SRFBP1: variants seen among roughly 807,000 people sequenced by gnomAD.
SRFBP1 encodes the protein serum response factor-binding protein 1.
In SRFBP1, 47 loss-of-function variants were observed where a neutral mutation model predicts 45.5. The observed-to-expected ratio is 1.03, with a 90% CI of 0.82 to 1.32. The LOEUF (loss-of-function observed/expected upper bound fraction) is 1.32. SRFBP1 is among the 40% of genes most tolerant of loss of function. The pLI, the probability that SRFBP1 is intolerant of heterozygous loss-of-function variation, is 0.00. For synonymous variants in SRFBP1, 203 were observed against 166.3 expected (o/e 1.22, Z -1.70); for missense variants, 621 against 484.6 (o/e 1.28, Z -2.64).
At chr5:122,057,924 C>G (rs1044108299) in intron 2 of SRFBP1, among the ~76,000 whole-genome samples, 9 of 152,080 alleles carry the variant, frequency 5.9e-5, no homozygotes, top group Non-Finnish European at 8.8e-5. Context: ...AGCAATTCTC[C>G]CTCCTCAGCC....
chr5:122,033,269 T>C (rs1226422406), downstream of SRFBP1, among the ~76,000 whole-genome samples: 3 of 152,074 alleles, frequency 2.0e-5, no homozygotes, highest in Non-Finnish European at 4.4e-5. Flanking sequence ...TTTCCGTTTG[T>C]CAATTGTCTT....
At chr5:122,016,777 A>G (rs186578588) in intron 4 of SRFBP1, among the ~76,000 whole-genome samples, 34 of 152,306 alleles carry the variant, frequency 2.2e-4, no homozygotes, top group African/African-American at 7.9e-4. Flanking sequence ...AGCAGGTTGA[A>G]GAAACAGGTT....
At chr5:122,003,993 G>A (rs949566158) in intron 4 of SRFBP1, among the ~76,000 whole-genome samples, 1 of 152,176 alleles carries the variant, frequency 6.6e-6, no homozygotes, top group South Asian at 2.1e-4. Context: ...GGAGTGCAGT[G>A]GCAGGATCTC....
chr5:121,975,533 C>A, intron 3 of SRFBP1, 146 bp downstream of exon 3: 1 of 850,726 alleles, frequency 1.2e-6, no homozygotes, highest in Non-Finnish European at 1.8e-6. Flanking sequence ...AAGAATGTAG[C>A]ACATTTAGAA....
chr5:122,066,734 C>T, intron 2 of SRFBP1: 1 of 1,600,708 alleles, frequency 6.2e-7, no homozygotes, highest in East Asian at 2.2e-5. Context: ...GGGAGTTTTG[C>T]TTTGCCTTCT....
intron 2 of SRFBP1, chr5:122,069,977 C>A (rs1754403312): frequency 9.9e-7 from 1 of 1,013,648 alleles, no homozygotes; most frequent in African/African-American, 1.6e-5. Context: ...GAAACAGATA[C>A]ATTCTATGTA....
intron 4 of SRFBP1, among the ~76,000 whole-genome samples, chr5:122,009,561 T>C (rs1753046951): frequency 6.6e-6 from 1 of 152,210 alleles, no homozygotes. Context: ...ACAGGAAGTA[T>C]TCCATTCTTC....
At chr5:121,964,050 A>G (rs1162790337) in intron 1 of SRFBP1, among the ~76,000 whole-genome samples, 3 of 152,212 alleles carry the variant, frequency 2.0e-5, no homozygotes, top group African/African-American at 7.2e-5. Flanking sequence ...GAAATGAATT[A>G]ACTTCTTCAA....
intron 4 of SRFBP1, among the ~76,000 whole-genome samples, chr5:122,010,060 C>T (rs927943495): frequency 1.2e-4 from 18 of 152,050 alleles, no homozygotes; most frequent in African/African-American, 4.3e-4. Context: ...TAAGTATAAG[C>T]ACTGTTTGAT....
At chr5:122,034,120 G>A (rs1021796338) in intron 2 of SRFBP1, among the ~76,000 whole-genome samples, 2 of 152,124 alleles carry the variant, frequency 1.3e-5, no homozygotes, top group East Asian at 1.9e-4. Context: ...CACTGCGCCC[G>A]GCCTATTTTT....
At chr5:121,978,920 C>T (rs1382832607) in intron 3 of SRFBP1, among the ~76,000 whole-genome samples, 1 of 152,088 alleles carries the variant, frequency 6.6e-6, no homozygotes, top group African/African-American at 2.4e-5. Context: ...TCTTACTTCT[C>T]CTCTAGTTTA....
chr5:122,021,884 A>G (rs1266797001), intron 6 of SRFBP1, among the ~76,000 whole-genome samples: 1 of 150,726 alleles, frequency 6.6e-6, no homozygotes, highest in African/African-American at 2.4e-5. Flanking sequence ...TCTAGTAGAG[A>G]CGGGTTTCAC....
intron 3 of SRFBP1, among the ~76,000 whole-genome samples, chr5:121,982,039 A>G (rs994999155): frequency 6.6e-5 from 10 of 151,832 alleles, no homozygotes; most frequent in African/African-American, 2.2e-4. Flanking sequence ...ATGGAATACT[A>G]TGGAACTGTT....
At chr5:122,008,756 C>G (rs1459485144) in intron 4 of SRFBP1, among the ~76,000 whole-genome samples, 1 of 152,080 alleles carries the variant, frequency 6.6e-6, no homozygotes, top group African/African-American at 2.4e-5. Context: ...ACATCTATCC[C>G]TATGAACATT....
intron 2 of SRFBP1, among the ~76,000 whole-genome samples, chr5:122,045,832 T>C (rs541437096): frequency 3.3e-5 from 5 of 152,318 alleles, no homozygotes; most frequent in African/African-American, 9.6e-5. Context: ...CTCTTCCTAT[T>C]TGGAGGCCTT....
intron 2 of SRFBP1, 74 bp from the exon 3 acceptor site, chr5:121,975,241 A>C: frequency 1.4e-6 from 2 of 1,428,740 alleles, no homozygotes; most frequent in Non-Finnish European, 2.0e-6. Context: ...AAAGAAATGA[A>C]GTGATTATCC....
chr5:121,970,613 G>A (rs1277353402), intron 1 of SRFBP1, among the ~76,000 whole-genome samples: 1 of 151,078 alleles, frequency 6.6e-6, no homozygotes, highest in Non-Finnish European at 1.5e-5. Flanking sequence ...TTCTAAATGG[G>A]TCTTTGAAAC....
intron 4 of SRFBP1, among the ~76,000 whole-genome samples, chr5:121,998,521 G>T (rs1352641527): frequency 6.9e-5 from 8 of 116,186 alleles, no homozygotes; most frequent in East Asian, 3.1e-4. Context: ...GTGGTGGGGT[G>T]GGGGGAGGGG....
intron 4 of SRFBP1, among the ~76,000 whole-genome samples, chr5:122,012,709 G>A (rs1224995599): frequency 6.6e-6 from 1 of 152,054 alleles, no homozygotes; most frequent in Non-Finnish European, 1.5e-5. Context: ...CTGATGTTTA[G>A]GAATGCCTTG....
Sources: gnomAD v4.1 joint callset for allele counts (sites outside exome capture counted in the v4.1 genomes callset) on GRCh38, gnomAD v4.1.1 for gene constraint, MANE v1.5 for transcripts, NCBI Gene and HGNC (gene_info 2026-07-23, HGNC 2026-07-21) for gene names.